Variants in NARS1 observed in about 807,000 individuals in gnomAD.
NARS1 encodes asparaginyl-tRNA synthetase 1, also known as asparagine--tRNA ligase, cytoplasmic.
A neutral mutation model predicts 79.2 loss-of-function variants in NARS1; 65 were observed. The observed-to-expected ratio is 0.82, with a 90% CI of 0.67 to 1.01. The LOEUF (loss-of-function observed/expected upper bound fraction) is 1.01. Among genes scored for constraint, NARS1 ranks in the 50% least tolerant of loss-of-function variants. The pLI is 0.00. For missense variants in NARS1, 649 were observed against 673.8 expected, an observed-to-expected ratio of 0.96 and a Z score of 0.41; for synonymous variants, 229 against 238.8, an observed-to-expected ratio of 0.96 and a Z score of 0.38.
chr18:57,603,482 A>G (rs1039582554), intron 11 of NARS1, among the ~76,000 whole-genome samples: 1 of 152,048 alleles, frequency 6.6e-6, no homozygotes, highest in Non-Finnish European at 1.5e-5. Flanking sequence ...CACAATCATA[A>G]GACAAATAAC....
chr18:57,605,827 T>C (rs1382890228), intron 11 of NARS1, 30 bp downstream of exon 11: 6 of 1,468,526 alleles, frequency 4.1e-6, no homozygotes, highest in Non-Finnish European at 5.6e-6. Context: ...CAATCCCACC[T>C]TGGAAACAAT....
intron 11 of NARS1, among the ~76,000 whole-genome samples, chr18:57,605,134 A>AAATATAT (rs536569272): frequency 3.7e-5 from 5 of 135,216 alleles, no homozygotes; most frequent in Middle Eastern, 3.8e-3. Context: ...AAAAAAAAAA[A>AAATATAT]ATATATATAT....
intron 2 of NARS1, among the ~76,000 whole-genome samples, chr18:57,617,049 A>G (rs1449148869): frequency 6.6e-6 from 1 of 152,046 alleles, no homozygotes; most frequent in Non-Finnish European, 1.5e-5. Context: ...CCAATGGGAC[A>G]TATCAAGCAT....
At position 57,614,546 on chromosome 18, in the gene NARS1, A is replaced by G. The variant is rs76233724; in HGVS notation, c.343-866T>C. ...AATAAAATAAGAACTACTGGAAATC[A>G]AACCATTTTCATTCATAGTCCAGCA... On this transcript the variant is annotated intron_variant, in intron 4 of 13. Transcript: ENST00000256854. Among the ~76,000 whole-genome samples the G allele has an allele frequency of 6.7e-3, 1,019 of 152,278 alleles. 23 individuals are homozygous for G. Among genetic ancestry groups the G allele is most frequent in the East Asian group, 0.065 (336 of 5,176 alleles).
intron 2 of NARS1, among the ~76,000 whole-genome samples, chr18:57,618,196 G>A (rs1471403166): frequency 6.6e-6 from 1 of 151,220 alleles, no homozygotes; most frequent in Non-Finnish European, 1.5e-5. Context: ...GCTGAGGCAG[G>A]GAGAATTGCT....
chr18:57,604,182 C>A (rs906991994), intron 11 of NARS1, among the ~76,000 whole-genome samples: 2 of 152,228 alleles, frequency 1.3e-5, no homozygotes, highest in Non-Finnish European at 2.9e-5. Flanking sequence ...CACTCAACTA[C>A]ACTATTTTAC....
Position 57,601,280 on chromosome 18 carries a change from T to C in NARS1, c.*372A>G. 1 of 156,428 alleles carries C rather than the reference T, an allele frequency of 6.4e-6. No homozygotes were observed. The highest frequency in any genetic ancestry group is 1.9e-4 in the South Asian group (1 of 5,138). The allele number at this position is 156,428 out of a possible 1,614,324, so 9.7% of individuals were successfully genotyped here. On this transcript the variant is annotated 3_prime_UTR_variant, in exon 14 of 14. Coordinates refer to ENST00000256854, the MANE Select transcript of NARS1 (RefSeq NM_004539.4). ...AGGTACACTTAAAAGGACAGAAAGA[T>C]AAGTTACTGGAGTATCTTACACCAT...
rs1480050875 is a variant in NARS1, at chr18:57,603,035, T to C, written c.1252-92A>G. On this transcript the variant is annotated intron_variant, in intron 11 of 13. Transcript: ENST00000256854. ...CACCCTGTACCAGTCCTTCCTCCTA[T>C]CAATTCAACAGAGTAGAGGATACAC... 3 of 1,274,784 alleles carry C rather than the reference T, an allele frequency of 2.4e-6. No homozygotes were observed. In the African/African-American group the frequency reaches 4.4e-5, roughly 19 times the overall value. The allele number at this position is 1,274,784 out of a possible 1,614,324, so 79.0% of individuals were successfully genotyped here. A position where few individuals can be genotyped will look rare whatever the true frequency, so the allele number is the denominator to read the frequency against.
rs199534815 is a variant in NARS1, at chr18:57,602,453, C to A, written c.1417G>T (p.Val473Leu). The change falls in exon 13 of 14, where the codon GTG (valine) becomes TTG (leucine). Residue 473 changes from valine (V) to leucine (L), a missense_variant. Val to Leu is a conservative substitution (Grantham distance 32). Transcript: ENST00000256854. ...DVLMPNVGEI[V>L]GGSMRIFDSE... ...TCAAAGATACGCATTGAGCCTCCCA[C>A]AATCTCACCAACATTGGGCATCAAC... 3.7e-6 allele frequency: 6 copies of A among 1,613,952 alleles called. No homozygotes were observed. The South Asian group carries it at 6.6e-5, about 18-fold the overall frequency.
At chr18:57,618,765 G>C (rs1429667901) in intron 2 of NARS1, among the ~76,000 whole-genome samples, 1 of 152,036 alleles carries the variant, frequency 6.6e-6, no homozygotes, top group African/African-American at 2.4e-5. Flanking sequence ...AACCGCGTGT[G>C]GTGACATGCC....
Position 57,621,691 on chromosome 18 carries a change from C to T in NARS1, c.10+17G>A. 1 of 1,611,818 alleles carries T rather than the reference C, an allele frequency of 6.2e-7. No homozygotes were observed. Among genetic ancestry groups the T allele is most frequent in the Non-Finnish European group, 8.5e-7 (1 of 1,178,192 alleles). On this transcript the variant is annotated intron_variant, in intron 1 of 13. Coordinates refer to ENST00000256854, the MANE Select transcript of NARS1 (RefSeq NM_004539.4). ...CCCAGGCAGGGAACACCGCGCCATA[C>T]ACTGAGTCTCACCCACCTAGCACCA...
In NARS1 at chr18:57,601,105, G is replaced by C. The variant is rs766432068; in HGVS notation, c.*547C>G. 2.6e-5 allele frequency: 4 copies of C among 152,200 alleles called. No homozygotes were observed. Among genetic ancestry groups the C allele is most frequent in the Non-Finnish European group, 5.9e-5 (4 of 68,046 alleles). 9.4% of individuals were successfully genotyped at this position (152,200 alleles called of 1,614,324 possible). A position where few individuals can be genotyped will look rare whatever the true frequency, so the allele number is the denominator to read the frequency against. ...GCAGAGTTAGAAAAGATTAATAACT[G>C]ATACAAAAGGCTATTCATTTGATTC... On this transcript the variant is annotated 3_prime_UTR_variant, in exon 14 of 14. Coordinates refer to ENST00000256854, the MANE Select transcript of NARS1 (RefSeq NM_004539.4).
At chr18:57,604,453 A>G (rs543679599) in intron 11 of NARS1, among the ~76,000 whole-genome samples, 2 of 152,330 alleles carry the variant, frequency 1.3e-5, no homozygotes, top group East Asian at 3.9e-4. Flanking sequence ...ACATAGACCC[A>G]GTATATTGTT....
At position 57,602,909 on chromosome 18, in the gene NARS1, T is replaced by A; in HGVS notation, c.1286A>T (p.Asp429Val). 6.2e-7 allele frequency: 1 copy of A among 1,614,146 alleles called. No homozygotes were observed. The highest frequency in any genetic ancestry group is 8.5e-7 in the Non-Finnish European group (1 of 1,180,002). ...IPEAPERLMT[D>V]TINEPILLCR... ...CAGCAAGATTGGTTCATTAATGGTG[T>A]CTGTCATCAGTCTCTCAGGAGCTTC... Residue 429 changes from aspartate (D) to valine (V), a missense_variant, in exon 12 of 14, where the codon GAC (aspartate) becomes GTC (valine). Asp to Val is a radical substitution (Grantham distance 152). Transcript: ENST00000256854.
At chr18:57,607,013 C>A in intron 9 of NARS1, 121 bp downstream of exon 9, 1 of 1,118,254 alleles carries the variant, frequency 8.9e-7, no homozygotes, top group Non-Finnish European at 1.3e-6. Context: ...TATGTTCTTC[C>A]ATTAACCACT....
chr18:57,609,390 A>C lies in NARS1; in HGVS notation c.546T>G (p.Tyr182Ter). The C allele has an allele frequency of 6.2e-7, 1 of 1,614,064 alleles. No homozygotes were observed. The highest frequency in any genetic ancestry group is 8.5e-7 in the Non-Finnish European group (1 of 1,180,004). ...CCTTTGGGGTAAGATTTAGCATTCC[A>C]TACACTGCAACACTGCTCTCCGTGG... is the stretch of plus-strand genomic sequence containing the variant. ...LLSTESSVAV[Y>*]GMLNLTPKGK... Residue 182 changes from tyrosine to a stop codon, truncating the protein, a stop_gained, in exon 7 of 14, where the codon TAT becomes TAG. Transcript: ENST00000256854. LOFTEE classifies it high-confidence loss of function.
At chr18:57,612,701 A>C (rs1326438192) in intron 5 of NARS1, among the ~76,000 whole-genome samples, 1 of 152,146 alleles carries the variant, frequency 6.6e-6, no homozygotes, top group Non-Finnish European at 1.5e-5. Flanking sequence ...CTCCCGAAGT[A>C]CTGGGATTAT....
chr18:57,608,462 T>TA (rs796498208), intron 7 of NARS1, among the ~76,000 whole-genome samples: 351 of 91,384 alleles, frequency 3.8e-3, no homozygotes, highest in African/African-American at 0.014. Context: ...AAAAAAACAA[T>TA]AAAAACAGGC....
intron 10 of NARS1, 82 bp from the exon 11 acceptor site, chr18:57,606,052 A>G: frequency 1.1e-6 from 1 of 932,604 alleles, no homozygotes; most frequent in Non-Finnish European, 1.6e-6. Flanking sequence ...AAAAACTATT[A>G]TAAAGTATTA....
Sources: allele counts gnomAD v4.1 joint callset (sites outside exome capture counted in the v4.1 genomes callset), GRCh38; gene constraint gnomAD v4.1.1; transcripts MANE v1.5; gene names NCBI Gene and HGNC (gene_info 2026-07-23, HGNC 2026-07-21).